REL: variants seen among roughly 807,000 people sequenced by gnomAD.
REL encodes REL proto-oncogene, NF-kB subunit.
REL carries 15 observed loss-of-function variants against 45.9 expected under a neutral mutation model. That is an observed-to-expected ratio of 0.33 (90% CI 0.22 to 0.50). The LOEUF (loss-of-function observed/expected upper bound fraction) is 0.50, where lower values mean the gene tolerates loss of function less well. Ranked by LOEUF, REL falls within the 20% of genes least tolerant of loss-of-function variation. REL has a pLI of 0.98. For synonymous variants in REL, 239 were observed against 242.1 expected (o/e 0.99, Z 0.12); for missense variants, 601 against 715.2 (o/e 0.84, Z 1.82).
intron 2 of REL, among the ~76,000 whole-genome samples, chr2:60,893,998 G>A (rs10171095): frequency 3.5e-4 from 54 of 152,254 alleles, no homozygotes; most frequent in African/African-American, 1.3e-3. Flanking sequence ...ATATTTATGT[G>A]CTATCCTTTC....
intron 7 of REL, among the ~76,000 whole-genome samples, chr2:60,919,433 T>C (rs928981848): frequency 1.3e-5 from 2 of 151,764 alleles, no homozygotes; most frequent in Non-Finnish European, 2.9e-5. Flanking sequence ...TTTTTGTTTT[T>C]TTGTTTTTGA....
Position 60,929,064 on chromosome 2 carries a change from G to T in REL, c.*6529G>T, listed in dbSNP as rs1251573188. The T allele has an allele frequency of 6.7e-6, 1 of 148,156 alleles. No individual in the cohort carries two copies. The highest frequency in any genetic ancestry group is 1.9e-4 in the East Asian group (1 of 5,182). 9.2% of individuals were successfully genotyped at this position (148,156 alleles called of 1,614,324 possible). On this transcript the variant is annotated 3_prime_UTR_variant, in exon 10 of 10. Transcript: ENST00000394479. ...ACATTTATGCAGCCAAAAAACACAT[G>T]AAAAAATGCTCATCATGACTGGCCA... is the stretch of plus-strand genomic sequence containing the variant.
chr2:60,894,411 TGGAAAA>T lies in REL; in HGVS notation c.176_181del (p.Gly59_Lys60del). 1 of 1,551,646 alleles carries T rather than the reference TGGAAAA, an allele frequency of 6.4e-7. No homozygotes were observed. The highest frequency in any genetic ancestry group is 8.8e-7 in the Non-Finnish European group (1 of 1,139,520). ...CCTTTTTTCAGATTATGAACTATTA[TGGAAAA>T]GGAAAAGTGAGAATTACATTAGTAA... is the stretch of plus-strand genomic sequence containing the variant. On this transcript the variant is annotated inframe_deletion, in exon 3 of 10. Transcript: ENST00000394479.
At chr2:60,898,621 C>T (rs1441271904) in intron 3 of REL, among the ~76,000 whole-genome samples, 1 of 152,218 alleles carries the variant, frequency 6.6e-6, no homozygotes, top group African/African-American at 2.4e-5. Flanking sequence ...CAGACTTTTT[C>T]TGTAAAGTAC....
intron 4 of REL, among the ~76,000 whole-genome samples, chr2:60,902,313 C>T (rs974382874): frequency 3.9e-5 from 6 of 152,054 alleles, no homozygotes; most frequent in East Asian, 1.9e-4. Flanking sequence ...TAGTATAAAG[C>T]GGAAAGTAAA....
At chr2:60,921,023 A>G (rs994387196) in intron 9 of REL, among the ~76,000 whole-genome samples, 9 of 152,136 alleles carry the variant, frequency 5.9e-5, no homozygotes, top group East Asian at 3.8e-4. Context: ...CACTATGGCA[A>G]CAGGGTTGAA....
chr2:60,925,841 G>A lies in REL; in HGVS notation c.*3306G>A, dbSNP rs562648852. Reference sequence around the variant, plus strand: ...TACTTAGTATAAGTAAGTATAAGCCGAATTAAGGTTCTGCTACATCTGTGT... The same window carrying A: ...TACTTAGTATAAGTAAGTATAAGCCAAATTAAGGTTCTGCTACATCTGTGT... On this transcript the variant is annotated 3_prime_UTR_variant, in exon 10 of 10. Coordinates refer to ENST00000394479, the MANE Select transcript of REL (RefSeq NM_001291746.2). 7 of 218,436 alleles carry A rather than the reference G, an allele frequency of 3.2e-5. No individual in the cohort carries two copies. The highest frequency in any genetic ancestry group is 2.7e-4 in the East Asian group (4 of 14,928). The allele number at this position is 218,436 out of a possible 1,614,324, so 13.5% of individuals were successfully genotyped here.
At chr2:60,890,603 T>A (rs896176236) in intron 1 of REL, among the ~76,000 whole-genome samples, 11 of 152,188 alleles carry the variant, frequency 7.2e-5, no homozygotes, top group African/African-American at 2.7e-4. Context: ...CAAGTACAGT[T>A]GAGTGTCTAT....
At chr2:60,917,127 C>T (rs1673990369) in intron 5 of REL, 110 bp downstream of exon 5, 9 of 896,662 alleles carry the variant, frequency 1.0e-5, no homozygotes, top group Non-Finnish European at 1.5e-5. Context: ...GATAGGAAAA[C>T]TTCCAGACAT....
chr2:60,927,322 C>T lies in REL; in HGVS notation c.*4787C>T, dbSNP rs1444466565. On this transcript the variant is annotated 3_prime_UTR_variant, in exon 10 of 10. Coordinates refer to ENST00000394479, the MANE Select transcript of REL (RefSeq NM_001291746.2). ...AGGAAAAGCAGCAATGACAAGATTA[C>T]TTAAGTCTTGTGAAATAACACTTCT... 8 of 231,492 alleles carry T rather than the reference C, an allele frequency of 3.5e-5. No homozygotes were observed. In the East Asian group the frequency reaches 4.8e-4, roughly 14 times the overall value. 14.3% of individuals were successfully genotyped at this position (231,492 alleles called of 1,614,324 possible).
At chr2:60,890,448 G>C (rs1573314176) in intron 1 of REL, among the ~76,000 whole-genome samples, 1 of 152,108 alleles carries the variant, frequency 6.6e-6, no homozygotes, top group African/African-American at 2.4e-5. Context: ...ATACTGTTCT[G>C]ATAAGGCCCA....
rs1055529347 is a variant in REL at position 60,931,075 on chromosome 2, T to C, written c.*8540T>C. 2 of 152,334 alleles carry C rather than the reference T, an allele frequency of 1.3e-5. No homozygotes were observed. The highest frequency in any genetic ancestry group is 4.8e-5 in the African/African-American group (2 of 41,450). The allele number at this position is 152,334 out of a possible 1,614,324, so 9.4% of individuals were successfully genotyped here. The stretch of plus-strand genomic sequence containing the variant: ...TCCATAAGATGTAATAAAATATAGA[T>C]AAGGTTGGAATATTTGAGGATCCAT... On this transcript the variant is annotated 3_prime_UTR_variant, in exon 10 of 10. Transcript: ENST00000394479.
chr2:60,917,175 C>T (rs1673992754), intron 5 of REL, among the ~76,000 whole-genome samples, 158 bp downstream of exon 5: 1 of 152,166 alleles, frequency 6.6e-6, no homozygotes, highest in Non-Finnish European at 1.5e-5. Context: ...CTTCTCTAAT[C>T]TCATCCTCCA....
At position 60,918,527 on chromosome 2, in the gene REL, A is replaced by G. The variant is rs1674046083; in HGVS notation, c.774A>G (p.Thr258=). The change falls in exon 7 of 10, where the codon ACA becomes ACG. Residue 258 remains threonine, a synonymous_variant. Coordinates refer to ENST00000394479, the MANE Select transcript of REL (RefSeq NM_001291746.2). Reference sequence around the variant, plus strand: ...GCAAAGCTATCACAGAACCCGTAACAGTAAAAATGCAGTTGCGGAGACCTT... The same window carrying G: ...GCAAAGCTATCACAGAACCCGTAACGGTAAAAATGCAGTTGCGGAGACCTT... ...PYCKAITEPV[T]VKMQLRRPSD... 1 of 1,614,166 alleles carries G rather than the reference A, an allele frequency of 6.2e-7. No individual in the cohort carries two copies. The highest frequency in any genetic ancestry group is 8.5e-7 in the Non-Finnish European group (1 of 1,179,986).
chr2:60,920,426 C>G (rs1674107729), intron 8 of REL, 148 bp from the exon 9 acceptor site: 2 of 697,768 alleles, frequency 2.9e-6, no homozygotes, highest in Non-Finnish European at 5.2e-6. Context: ...GTCTTGAACT[C>G]CTGACATCAG....
chr2:60,888,180 T>A (rs1673115701), intron 1 of REL, among the ~76,000 whole-genome samples: 1 of 152,130 alleles, frequency 6.6e-6, no homozygotes, highest in Non-Finnish European at 1.5e-5. Context: ...CCACCCACTT[T>A]GGCCTCCCAA....
rs1229644003 is a variant in REL, at chr2:60,896,579, G to GA, written c.302+2041dup. ...CACATATATTAGTAATAACCATTTA[G>GA]AAAAAAATACTTTAAATGCTCCTCT... On this transcript the variant is annotated intron_variant, in intron 3 of 9. Coordinates refer to ENST00000394479, the MANE Select transcript of REL (RefSeq NM_001291746.2). Among the ~76,000 whole-genome samples the GA allele has an allele frequency of 3.9e-5, 6 of 151,902 alleles. No individual in the cohort carries two copies. The South Asian group carries it at 8.3e-4, about 21-fold the overall frequency.
rs528753729 is a variant in REL at position 60,894,414 on chromosome 2, A to G, written c.171A>G (p.Gly57=). 1.2e-4 allele frequency: 193 copies of G among 1,558,254 alleles called. No individual in the cohort carries two copies. The South Asian group carries it at 1.9e-3, about 16-fold the overall frequency. ...TTTTTCAGATTATGAACTATTATGG[A>G]AAAGGAAAAGTGAGAATTACATTAG... The part of the protein sequence containing the change: ...YPSIQIMNYY[G]KGKVRITLVT... Residue 57 remains glycine (G), a synonymous_variant, in exon 3 of 10, where the codon GGA becomes GGG. Transcript: ENST00000394479.
chr2:60,889,062 A>G (rs1051538136), intron 1 of REL, among the ~76,000 whole-genome samples: 2 of 152,220 alleles, frequency 1.3e-5, no homozygotes, highest in South Asian at 2.1e-4. Flanking sequence ...TTCATCACAC[A>G]TAAAATGAAA....
Sources: allele counts gnomAD v4.1 joint callset (sites outside exome capture counted in the v4.1 genomes callset), GRCh38; gene constraint gnomAD v4.1.1; transcripts MANE v1.5; gene names NCBI Gene and HGNC (gene_info 2026-07-23, HGNC 2026-07-21).